Variants in ZNF331 observed in about 807,000 individuals in gnomAD.
ZNF331 encodes the protein zinc finger protein 331, also known as C2H2-like zinc finger protein rearranged in thyroid adenomas.
Under a neutral mutation model 7.0 loss-of-function variants are expected in ZNF331, and 2 were observed. The ratio of observed to expected loss-of-function variants is 0.29; its 90% CI spans 0.12 to 0.90. ZNF331 has a LOEUF of 0.90. Among genes scored for constraint, ZNF331 ranks in the 40% least tolerant of loss-of-function variants. ZNF331 has a pLI of 0.58. For missense variants in ZNF331, 432 were observed against 587.7 expected (o/e 0.74, Z 2.74); for synonymous variants, 196 against 205.4 (o/e 0.95, Z 0.39).
chr19:53,534,698 C>CT (rs1352296615), upstream of ZNF331, among the ~76,000 whole-genome samples: 1 of 152,194 alleles, frequency 6.6e-6, no homozygotes, highest in Non-Finnish European at 1.5e-5. Flanking sequence ...CCCTCACCTA[C>CT]TTTTAAGGAA....
chr19:53,567,653 C>T (rs1436302772), intron 3 of ZNF331, among the ~76,000 whole-genome samples: 1 of 151,760 alleles, frequency 6.6e-6, no homozygotes, highest in Non-Finnish European at 1.5e-5. Context: ...TCAAGACCAG[C>T]CTGGGAAATA....
rs1222408238 is a variant in ZNF331 at position 53,571,317 on chromosome 19, T to C, written c.10-287T>C. On this transcript the variant is annotated intron_variant, in intron 4 of 5. Transcript: ENST00000449416. This position sits in a 1 kb window ranked among gnomAD's most constrained non-coding sequence, Gnocchi z 4.7. Reference sequence around the variant, plus strand: ...GCAGGCACGTAGCAGACACTGCTTGTAAGCAAGAAGAAAACTTGGATTGTT... The same window carrying C: ...GCAGGCACGTAGCAGACACTGCTTGCAAGCAAGAAGAAAACTTGGATTGTT... Among the ~76,000 whole-genome samples the C allele has an allele frequency of 3.3e-5, 5 of 152,208 alleles. No homozygotes were observed.
the ZNF331 span, among the ~76,000 whole-genome samples, chr19:53,510,998 C>T: frequency 1.1e-4 from 16 of 152,038 alleles, no homozygotes; most frequent in African/African-American, 3.9e-4. Context: ...TAATTTAAGG[C>T]CATGTCATGG....
At chr19:53,506,460 C>CTCTCTGTCTG in the ZNF331 span, among the ~76,000 whole-genome samples, 3 of 131,390 alleles carry the variant, frequency 2.3e-5, 1 homozygote, top group Non-Finnish European at 4.8e-5. Flanking sequence ...CTCTCTCTCT[C>CTCTCTGTCTG]TCTCTCTCTC....
At chr19:53,542,239 T>C (rs894325874) in intron 2 of ZNF331, among the ~76,000 whole-genome samples, 1 of 152,224 alleles carries the variant, frequency 6.6e-6, no homozygotes, top group Admixed American at 6.5e-5. Flanking sequence ...TGCCTTGTTT[T>C]GAAATATCTC....
At chr19:53,505,858 A>C in the ZNF331 span, among the ~76,000 whole-genome samples, 2 of 150,750 alleles carry the variant, frequency 1.3e-5, no homozygotes, top group Non-Finnish European at 3.0e-5. Flanking sequence ...GGTGGTGGGC[A>C]CCTGTAGTCC....
Position 53,577,864 on chromosome 19 carries a change from G to T in ZNF331, c.1304G>T (p.Gly435Val), listed in dbSNP as rs559751016. The change falls in exon 6 of 6, where the codon GGG (glycine) becomes GTG (valine). Residue 435 changes from glycine to valine, a missense_variant. By Grantham distance (109) the Gly-to-Val change is moderately radical. Transcript: ENST00000449416. ...QLTQHQKTHS[G>V]AKSYECKECG... ...ACACAACATCAGAAAACGCACAGTG[G>T]GGCGAAATCCTACGAATGTAAGGAG... The T allele has an allele frequency of 6.2e-7, 1 of 1,613,814 alleles. No homozygotes were observed. Among genetic ancestry groups the T allele is most frequent in the African/African-American group, 1.3e-5 (1 of 75,018 alleles).
intron 3 of ZNF331, among the ~76,000 whole-genome samples, chr19:53,559,432 C>T (rs1194754221): frequency 6.7e-6 from 1 of 150,358 alleles, no homozygotes; most frequent in Non-Finnish European, 1.5e-5. Flanking sequence ...TACACACACA[C>T]CATATATACA....
chr19:53,541,066 A>G, intron 2 of ZNF331, among the ~76,000 whole-genome samples: 1 of 151,730 alleles, frequency 6.6e-6, no homozygotes, highest in South Asian at 2.1e-4. Context: ...CCATATTGAC[A>G]TGTTTGAGAG....
chr19:53,565,372 T>G (rs1344638632), intron 3 of ZNF331, among the ~76,000 whole-genome samples: 1 of 152,190 alleles, frequency 6.6e-6, no homozygotes, highest in Non-Finnish European at 1.5e-5. Flanking sequence ...TTTTTAAATT[T>G]TTTGTAGAGA....
At chr19:53,567,740 G>C (rs1362893643) in intron 3 of ZNF331, among the ~76,000 whole-genome samples, 1 of 151,966 alleles carries the variant, frequency 6.6e-6, no homozygotes, top group African/African-American at 2.4e-5. Flanking sequence ...CTACTCGGGA[G>C]GCTGAGGTGG....
At chr19:53,559,268 A>G (rs1179222847) in intron 3 of ZNF331, among the ~76,000 whole-genome samples, 1 of 151,354 alleles carries the variant, frequency 6.6e-6, no homozygotes, top group African/African-American at 2.4e-5. Flanking sequence ...ACACACATAT[A>G]CACAACTACA....
exon 1 of ZNF331, chr19:53,521,526 G>T (rs2087087652): frequency 6.6e-6 from 1 of 152,332 alleles, no homozygotes; most frequent in Non-Finnish European, 1.5e-5. Context: ...ACAGGTGTGT[G>T]TAGACGTCTA....
rs181520658 is a variant in ZNF331 at position 53,571,933 on chromosome 19, C to T, written c.136+203C>T. Among the ~76,000 whole-genome samples, 1,902 of 152,228 alleles carry T rather than the reference C, an allele frequency of 0.012. 42 individuals carry two copies. The highest frequency in any genetic ancestry group is 0.043 in the African/African-American group (1,780 of 41,528). On this transcript the variant is annotated intron_variant, in intron 5 of 5. Transcript: ENST00000449416. The surrounding 1 kb of genome is among the most constrained non-coding windows in gnomAD (Gnocchi z 4.7). ...TACCTTCCCACCTTTGTCGACTCCC[C>T]CGTAATCATCTCACTTCCTTAATGT...
rs2090566881 is a variant in ZNF331 at position 53,573,601 on chromosome 19, G to A, written c.136+1871G>A. ...TCCTGCCTCATCTCCCTGAGTAGCA[G>A]GGACCACAGGTGCACACCACGACAC... On this transcript the variant is annotated intron_variant, in intron 5 of 5. Coordinates refer to ENST00000449416, the MANE Select transcript of ZNF331 (RefSeq NM_001079906.2). This position sits in a 1 kb window ranked among gnomAD's most constrained non-coding sequence, Gnocchi z 4.2. Among the ~76,000 whole-genome samples, 1 of 151,906 alleles carries A rather than the reference G, an allele frequency of 6.6e-6. No homozygotes were observed. Among genetic ancestry groups the A allele is most frequent in the African/African-American group, 2.4e-5 (1 of 41,348 alleles).
intron 5 of ZNF331, among the ~76,000 whole-genome samples, chr19:53,574,786 C>T (rs948456350): frequency 6.6e-6 from 1 of 152,224 alleles, no homozygotes; most frequent in African/African-American, 2.4e-5. Flanking sequence ...GCGCCTATCA[C>T]TGCCCCTTCA....
At chr19:53,513,233 G>A in the ZNF331 span, among the ~76,000 whole-genome samples, 2 of 151,928 alleles carry the variant, frequency 1.3e-5, no homozygotes, top group Non-Finnish European at 2.9e-5. Context: ...ACCCTCATAC[G>A]GCTGACGTGC....
upstream of ZNF331, among the ~76,000 whole-genome samples, chr19:53,535,119 G>A (rs1272935234): frequency 2.0e-5 from 3 of 151,196 alleles, no homozygotes; most frequent in East Asian, 5.8e-4. Flanking sequence ...TATTAAGACA[G>A]AGTCTTGCTT....
upstream of ZNF331, among the ~76,000 whole-genome samples, chr19:53,517,621 GTC>G (rs2086933766): frequency 6.6e-6 from 1 of 151,934 alleles, no homozygotes; most frequent in African/African-American, 2.4e-5. Flanking sequence ...GCAGGTTCAA[GTC>G]TGCTGAGATT....
Sources: gnomAD v4.1 joint callset for allele counts (sites outside exome capture counted in the v4.1 genomes callset) on GRCh38, gnomAD v4.1.1 for gene constraint, Gnocchi (gnomAD v3.1) non-coding constraint, MANE v1.5 for transcripts, NCBI Gene and HGNC (gene_info 2026-07-23, HGNC 2026-07-21) for gene names.